CNTNAP2: variants seen among roughly 807,000 people sequenced by gnomAD.
CNTNAP2 encodes the protein contactin associated protein 2.
A neutral mutation model predicts 155.2 loss-of-function variants in CNTNAP2; 98 were observed. The ratio of observed to expected loss-of-function variants is 0.63; its 90% CI spans 0.54 to 0.75. The LOEUF (loss-of-function observed/expected upper bound fraction) is 0.75, where lower values mean the gene tolerates loss of function less well. Ranked by LOEUF, CNTNAP2 falls within the 30% of genes least tolerant of loss-of-function variation. The pLI is 0.00. For missense variants in CNTNAP2, 1,727 were observed against 1,688.1 expected, an observed-to-expected ratio of 1.02 and a Z score of -0.40; for synonymous variants, 651 against 631.2, an observed-to-expected ratio of 1.03 and a Z score of -0.47.
At chr7:146,555,856 A>AT (rs1325133972) in intron 1 of CNTNAP2, among the ~76,000 whole-genome samples, 5 of 151,998 alleles carry the variant, frequency 3.3e-5, no homozygotes, top group East Asian at 1.9e-4. Flanking sequence ...CAACATACAC[A>AT]TTTTTTTTCT....
chr7:146,426,433 A>G (rs1796092168), intron 1 of CNTNAP2, among the ~76,000 whole-genome samples: 1 of 149,954 alleles, frequency 6.7e-6, no homozygotes, highest in Non-Finnish European at 1.5e-5. Flanking sequence ...ATACACACAC[A>G]TTTATACACA....
At chr7:146,825,532 C>G (rs865984980) in intron 2 of CNTNAP2, among the ~76,000 whole-genome samples, 23 of 152,194 alleles carry the variant, frequency 1.5e-4, no homozygotes, top group Admixed American at 7.2e-4. Flanking sequence ...CCATATTGAT[C>G]TTGAGAACAA....
intron 15 of CNTNAP2, among the ~76,000 whole-genome samples, chr7:148,076,460 G>C: frequency 1.3e-5 from 1 of 76,654 alleles, no homozygotes; most frequent in South Asian, 4.8e-4. Flanking sequence ...TTTTGAGACA[G>C]AGTCTCACTC....
At chr7:148,015,962 G>C (rs1003457288) in intron 15 of CNTNAP2, among the ~76,000 whole-genome samples, 1 of 152,174 alleles carries the variant, frequency 6.6e-6, no homozygotes, top group Admixed American at 6.5e-5. Flanking sequence ...CATGGAATCA[G>C]AGTCTAATGA....
In CNTNAP2 at chr7:146,872,567, T is replaced by G. The variant is rs1795335246; in HGVS notation, c.402+32663T>G. Among the ~76,000 whole-genome samples the G allele has an allele frequency of 2.0e-5, 3 of 152,288 alleles. No individual in the cohort carries two copies. The South Asian group carries it at 6.2e-4, about 32-fold the overall frequency. On this transcript the variant is annotated intron_variant, in intron 3 of 23. Coordinates refer to ENST00000361727, the MANE Select transcript of CNTNAP2 (RefSeq NM_014141.6). ...TGTGGTACGGCTGTTGTACTAATAA[T>G]GAAGTTTTAATTAGTTCTCAAAAAT...
chr7:148,355,725 A>G (rs1180779101), intron 21 of CNTNAP2, among the ~76,000 whole-genome samples: 2 of 152,250 alleles, frequency 1.3e-5, no homozygotes, highest in African/African-American at 4.8e-5. Flanking sequence ...CCATAGTCAT[A>G]TCTATCACCT....
intron 1 of CNTNAP2, among the ~76,000 whole-genome samples, chr7:146,460,043 T>C (rs1245207833): frequency 1.3e-5 from 2 of 152,000 alleles, no homozygotes; most frequent in African/African-American, 4.8e-5. Context: ...ACAGAGGAAG[T>C]TTAACAACAA....
chr7:147,951,126 C>T (rs952065184), intron 14 of CNTNAP2, among the ~76,000 whole-genome samples: 2 of 152,138 alleles, frequency 1.3e-5, no homozygotes, highest in African/African-American at 4.8e-5. Context: ...CAGGCCCAGC[C>T]GAGGACTCTC....
At chr7:147,290,862 G>A (rs1805290328) in intron 8 of CNTNAP2, among the ~76,000 whole-genome samples, 1 of 152,106 alleles carries the variant, frequency 6.6e-6, no homozygotes, top group African/African-American at 2.4e-5. Flanking sequence ...AAATGACCAT[G>A]GGTATTGATT....
intron 13 of CNTNAP2, among the ~76,000 whole-genome samples, chr7:147,892,093 C>CAA (rs577237618): frequency 0.033 from 4,971 of 150,344 alleles, 125 homozygotes; most frequent in Non-Finnish European, 0.053. Context: ...TTGATTCATG[C>CAA]AAAAAAAAAT....
At chr7:146,506,699 A>G (rs1189830867) in intron 1 of CNTNAP2, among the ~76,000 whole-genome samples, 2 of 152,254 alleles carry the variant, frequency 1.3e-5, no homozygotes, top group Non-Finnish European at 2.9e-5. Context: ...TTAGGGCTTA[A>G]TAAACTGCCC....
intron 1 of CNTNAP2, among the ~76,000 whole-genome samples, chr7:146,707,135 G>A (rs972599127): frequency 3.9e-5 from 6 of 152,124 alleles, no homozygotes; most frequent in African/African-American, 1.2e-4. Flanking sequence ...CACTTTTCAT[G>A]ACCATTCTGG....
chr7:147,928,566 A>T (rs1185828899), intron 14 of CNTNAP2, among the ~76,000 whole-genome samples: 4 of 152,142 alleles, frequency 2.6e-5, no homozygotes, highest in Non-Finnish European at 4.4e-5. Flanking sequence ...TATGGGTAAA[A>T]ATGTCAGAAA....
At chr7:147,827,609 A>G (rs1332798280) in intron 13 of CNTNAP2, among the ~76,000 whole-genome samples, 1 of 152,160 alleles carries the variant, frequency 6.6e-6, no homozygotes, top group African/African-American at 2.4e-5. Flanking sequence ...GAAATATGTT[A>G]CTTACCTTTA....
chr7:146,701,387 G>C (rs986908601), intron 1 of CNTNAP2, among the ~76,000 whole-genome samples: 2 of 151,856 alleles, frequency 1.3e-5, no homozygotes, highest in African/African-American at 4.8e-5. Flanking sequence ...AATCCTATTA[G>C]CATGTTTGTT....
chr7:147,098,054 C>T (rs536670704), intron 4 of CNTNAP2, among the ~76,000 whole-genome samples: 1 of 152,124 alleles, frequency 6.6e-6, no homozygotes, highest in Non-Finnish European at 1.5e-5. Context: ...ACATAGGTAT[C>T]TTCTGAATTC....
intron 3 of CNTNAP2, among the ~76,000 whole-genome samples, chr7:146,891,786 G>A (rs1016569467): frequency 2.6e-5 from 4 of 152,114 alleles, no homozygotes; most frequent in East Asian, 1.9e-4. Flanking sequence ...AGCAGGCCTC[G>A]TCAACACAGC....
At chr7:146,760,610 A>G (rs1157086742) in intron 1 of CNTNAP2, among the ~76,000 whole-genome samples, 1 of 151,320 alleles carries the variant, frequency 6.6e-6, no homozygotes, top group Non-Finnish European at 1.5e-5. Flanking sequence ...TTTTTTGTAG[A>G]GATGGGTTTT....
intron 21 of CNTNAP2, among the ~76,000 whole-genome samples, chr7:148,373,629 TCAA>T (rs1298273628): frequency 1.3e-5 from 2 of 152,190 alleles, no homozygotes; most frequent in Non-Finnish European, 2.9e-5. Context: ...ACTGTACTAC[TCAA>T]ACATATTACA....
Sources: allele counts gnomAD v4.1 joint callset (sites outside exome capture counted in the v4.1 genomes callset), GRCh38; gene constraint gnomAD v4.1.1; transcripts MANE v1.5; gene names NCBI Gene and HGNC (gene_info 2026-07-23, HGNC 2026-07-21).